TRAK1: variants seen among roughly 807,000 people sequenced by gnomAD.
TRAK1 encodes trafficking kinesin protein 1.
Under a neutral mutation model 92.1 loss-of-function variants are expected in TRAK1, and 33 were observed. The ratio of observed to expected loss-of-function variants is 0.36; its 90% confidence interval spans 0.27 to 0.48. The LOEUF (loss-of-function observed/expected upper bound fraction) is 0.48. TRAK1 is among the 20% of genes least tolerant of loss of function. TRAK1 has a pLI of 0.99. For missense variants in TRAK1, 1,123 were observed against 1,257.9 expected, an observed-to-expected ratio of 0.89 and a Z score of 1.62; for synonymous variants, 521 against 517.3, an observed-to-expected ratio of 1.01 and a Z score of -0.10.
chr3:42,157,551 A>G (rs1700709275), intron 2 of TRAK1, among the ~76,000 whole-genome samples: 2 of 150,550 alleles, frequency 1.3e-5, no homozygotes, highest in Admixed American at 6.6e-5. Context: ...GATGCACTGA[A>G]GAGAAAGTAA....
chr3:42,032,846 C>G (rs772304803), intron 1 of TRAK1, among the ~76,000 whole-genome samples: 18 of 152,090 alleles, frequency 1.2e-4, no homozygotes, highest in Non-Finnish European at 1.8e-4. Context: ...CTCTTGAGCC[C>G]GAGAGTTCAA....
intron 2 of TRAK1, chr3:42,145,704 T>C (rs1405938998): frequency 6.4e-6 from 1 of 156,938 alleles, no homozygotes; most frequent in Non-Finnish European, 1.4e-5. Context: ...CCAACTTTCA[T>C]GTTGTTCTTC....
chr3:42,217,283 T>G, intron 14 of TRAK1: 2 of 985,268 alleles, frequency 2.0e-6, no homozygotes, highest in Non-Finnish European at 2.4e-6. Flanking sequence ...AGTGGTGACA[T>G]GCGGAGAGCC....
At chr3:42,207,428 C>G (rs115075406) in intron 13 of TRAK1, among the ~76,000 whole-genome samples, 1 of 152,128 alleles carries the variant, frequency 6.6e-6, no homozygotes, top group Admixed American at 6.5e-5. Context: ...TGTTCTCAGA[C>G]CTGTGGGTTT....
At chr3:42,124,419 A>G (rs1202539668) in intron 1 of TRAK1, among the ~76,000 whole-genome samples, 1 of 152,232 alleles carries the variant, frequency 6.6e-6, no homozygotes. Flanking sequence ...CACTTATTTA[A>G]TTCAGTCTCT....
intron 1 of TRAK1, among the ~76,000 whole-genome samples, chr3:42,041,341 TTTATACC>T (rs1319979502): frequency 6.6e-6 from 1 of 152,166 alleles, no homozygotes; most frequent in Non-Finnish European, 1.5e-5. Flanking sequence ...TTTTGTTGAA[TTTATACC>T]TAAGTATTTT....
At chr3:42,016,115 G>A (rs1214828404) in intron 1 of TRAK1, among the ~76,000 whole-genome samples, 2 of 152,102 alleles carry the variant, frequency 1.3e-5, no homozygotes, top group South Asian at 2.1e-4. Context: ...ATTGAATGGA[G>A]TTCTTAAACT....
intron 4 of TRAK1, among the ~76,000 whole-genome samples, chr3:42,186,941 T>C (rs1347196897): frequency 6.6e-6 from 1 of 152,246 alleles, no homozygotes; most frequent in Non-Finnish European, 1.5e-5. Flanking sequence ...AGTCAAATTA[T>C]AAACAAGAAA....
intron 3 of TRAK1, among the ~76,000 whole-genome samples, chr3:42,179,323 CT>C (rs1703676768): frequency 6.6e-6 from 1 of 152,228 alleles, no homozygotes; most frequent in Non-Finnish European, 1.5e-5. Flanking sequence ...GGCTTTGGCT[CT>C]GTTTCTTCTG....
At position 42,061,273 on chromosome 3, in the gene TRAK1, A is replaced by G. The variant is rs182552107; in HGVS notation, c.-518-25831A>G. 1.5e-4 allele frequency among the ~76,000 whole-genome samples: 23 copies of G among 150,430 alleles called. No homozygotes were observed. In the East Asian group the frequency reaches 4.0e-3, roughly 26 times the overall value. On this transcript the variant is annotated intron_variant, in intron 1 of 16. Transcript: ENST00000487159. ...TCTACATCTGTGCATGCGTGCATGC[A>G]CACACCCACCCACACACGCACCCCC...
At chr3:42,133,151 A>G (rs1234677785) in intron 2 of TRAK1, among the ~76,000 whole-genome samples, 1 of 151,994 alleles carries the variant, frequency 6.6e-6, no homozygotes, top group Non-Finnish European at 1.5e-5. Flanking sequence ...TTTGAAATCC[A>G]ACTGGGTCAT....
At chr3:42,030,751 T>G (rs1702110785) in intron 1 of TRAK1, among the ~76,000 whole-genome samples, 11 of 138,442 alleles carry the variant, frequency 7.9e-5, no homozygotes, top group South Asian at 4.5e-4. Context: ...TGTAACTTGT[T>G]GGTCAGGCAG....
At chr3:42,121,409 A>G (rs953762182) in intron 1 of TRAK1, among the ~76,000 whole-genome samples, 1 of 151,806 alleles carries the variant, frequency 6.6e-6, no homozygotes, top group African/African-American at 2.4e-5. Context: ...ACAGGCGCCC[A>G]CCACTGCGCC....
intron 2 of TRAK1, among the ~76,000 whole-genome samples, chr3:42,159,082 G>A (rs1700930258): frequency 6.6e-6 from 1 of 152,000 alleles, no homozygotes; most frequent in African/African-American, 2.4e-5. Flanking sequence ...ACTTGTACAT[G>A]ATGTCATATT....
rs532900376 is a variant in TRAK1, at chr3:42,148,951, T to TA, written c.286+23338dup. On this transcript the variant is annotated intron_variant, in intron 2 of 15. Transcript: ENST00000327628. ...AAAGTAGGGTGAATAAGCTTGTCCTTACGTTTCTTGAAGGTGATGATGGTG... is the reference window on the plus strand; with the variant it reads ...AAAGTAGGGTGAATAAGCTTGTCCTTAACGTTTCTTGAAGGTGATGATGGTG... 8.6e-4 allele frequency among the ~76,000 whole-genome samples: 131 copies of TA among 152,232 alleles called. 3 individuals are homozygous for TA. The South Asian group carries it at 0.026, about 30-fold the overall frequency.
chr3:42,193,001 AAG>A, intron 7 of TRAK1, 72 bp from the exon 8 acceptor site: 2 of 1,574,974 alleles, frequency 1.3e-6, no homozygotes, highest in South Asian at 2.4e-5. Flanking sequence ...GCAAACCACA[AAG>A]AAACCATTCT....
intron 2 of TRAK1, among the ~76,000 whole-genome samples, chr3:42,147,030 G>A (rs377361589): frequency 5.9e-5 from 9 of 152,072 alleles, no homozygotes; most frequent in East Asian, 1.9e-4. Flanking sequence ...AGAAAACCTC[G>A]GGACACCGGA....
intron 1 of TRAK1, among the ~76,000 whole-genome samples, chr3:42,030,735 T>C (rs1286191270): frequency 8.1e-6 from 1 of 122,784 alleles, no homozygotes; most frequent in Non-Finnish European, 1.6e-5. Context: ...TATATATATA[T>C]ATATATGTAA....
chr3:42,069,942 C>T (rs947878162), intron 1 of TRAK1, among the ~76,000 whole-genome samples: 1 of 152,056 alleles, frequency 6.6e-6, no homozygotes, highest in Admixed American at 6.6e-5. Flanking sequence ...ACTGCTGCCT[C>T]CCGGGTTCAA....
Sources: gnomAD v4.1 joint callset for allele counts (sites outside exome capture counted in the v4.1 genomes callset) on GRCh38, gnomAD v4.1.1 for gene constraint, MANE v1.5 for transcripts, NCBI Gene and HGNC (gene_info 2026-07-23, HGNC 2026-07-21) for gene names.